Variants in RAB33A observed in about 807,000 individuals in gnomAD.
RAB33A encodes the protein ras-related protein Rab-33A.
A neutral mutation model predicts 12.0 loss-of-function variants in RAB33A; 6 were observed. The observed-to-expected ratio is 0.50, with a 90% confidence interval of 0.27 to 0.99. RAB33A has a LOEUF of 0.99. Ranked by LOEUF, RAB33A falls within the 50% of genes least tolerant of loss-of-function variation. RAB33A has a pLI of 0.11. For synonymous variants in RAB33A, 70 were observed against 82.4 expected (o/e 0.85, Z 0.81); for missense variants, 109 against 192.0 (o/e 0.57, Z 2.55).
the RAB33A span, among the ~76,000 whole-genome samples, chrX:130,151,147 CTT>C: frequency 9.9e-6 from 1 of 101,465 alleles, no homozygotes. Context: ...ATATTCTTTT[CTT>C]TTTTTTTTTG....
chrX:130,176,910 T>A (rs1432359390), intron 1 of RAB33A, among the ~76,000 whole-genome samples: 1 of 112,308 alleles, frequency 8.9e-6, no homozygotes, highest in African/African-American at 3.2e-5. Context: ...CCCATCGGCC[T>A]CCAACAAAAG....
In RAB33A at chrX:130,184,779, G is replaced by T. The variant is rs775397466; in HGVS notation, c.*39G>T. On this transcript the variant is annotated 3_prime_UTR_variant, in exon 2 of 2. Coordinates refer to ENST00000257017, the MANE Select transcript of RAB33A (RefSeq NM_004794.3). ...AAATACAAGATAAATTATCACTGGA[G>T]TTTTTTCTTTCCCTTTTTTCTGTGC... 8 of 1,137,801 alleles carry T rather than the reference G, an allele frequency of 7.0e-6. No homozygotes were observed. In the African/African-American group the frequency reaches 1.4e-4, roughly 21 times the overall value. 93.8% of individuals were successfully genotyped at this position (1,137,801 alleles called of 1,213,427 possible). A position where few individuals can be genotyped will look rare whatever the true frequency, so the allele number is the denominator to read the frequency against.
chrX:130,114,139 G>T, the RAB33A span, among the ~76,000 whole-genome samples: 2 of 112,219 alleles, frequency 1.8e-5, no homozygotes, highest in Admixed American at 1.9e-4. Flanking sequence ...AAGGCAGCAT[G>T]CAAGGAGAGG....
chrX:130,111,475 G>T, the RAB33A span, among the ~76,000 whole-genome samples: 8 of 112,940 alleles, frequency 7.1e-5, no homozygotes, highest in African/African-American at 2.2e-4. Context: ...GGGTGAGGCC[G>T]CGAGATGCCC....
the RAB33A span, among the ~76,000 whole-genome samples, chrX:130,154,741 C>T: frequency 8.9e-6 from 1 of 112,446 alleles, no homozygotes; most frequent in Non-Finnish European, 1.9e-5. Context: ...CCACAAAACA[C>T]AAACATTACA....
chrX:130,114,904 C>T, the RAB33A span, among the ~76,000 whole-genome samples: 20 of 111,848 alleles, frequency 1.8e-4, no homozygotes, highest in East Asian at 5.6e-3. Context: ...TGGGCTCAAG[C>T]GATCCTCCCT....
the RAB33A span, among the ~76,000 whole-genome samples, chrX:130,128,410 T>C: frequency 9.0e-6 from 1 of 110,878 alleles, no homozygotes; most frequent in African/African-American, 3.3e-5. Flanking sequence ...CCATCTCTAC[T>C]AAAAATACAA....
chrX:130,184,142 G>A (rs1190486321), intron 1 of RAB33A, 143 bp from the exon 2 acceptor site: 3 of 528,917 alleles, frequency 5.7e-6, no homozygotes, highest in Non-Finnish European at 9.1e-6. Context: ...GCCCGCCTCA[G>A]CTTCCCAAAG....
chrX:130,116,978 C>T, the RAB33A span, among the ~76,000 whole-genome samples: 1 of 112,044 alleles, frequency 8.9e-6, no homozygotes, highest in Admixed American at 9.4e-5. Context: ...CTTTGGGAGG[C>T]CAAGGTGGGC....
rs761574941 is a variant in RAB33A, at chrX:130,171,996, G to T, written c.-67G>T. 75 of 1,098,347 alleles carry T rather than the reference G, an allele frequency of 6.8e-5. No homozygotes were observed. In the African/African-American group the frequency reaches 1.3e-3, roughly 19 times the overall value. The allele number at this position is 1,098,347 out of a possible 1,213,427, so 90.5% of individuals were successfully genotyped here. ...CAGAGCTCGCTCGCCTCGAGCGCAC[G>T]AACGTGGACGTTCTCTTTGTGTGGA... On this transcript the variant is annotated 5_prime_UTR_variant, in exon 1 of 2. Coordinates refer to ENST00000257017, the MANE Select transcript of RAB33A (RefSeq NM_004794.3).
chrX:130,131,664 G>A, the RAB33A span: 2 of 1,210,307 alleles, frequency 1.7e-6, no homozygotes, highest in African/African-American at 1.7e-5. Context: ...GGAGTGCTAG[G>A]ACTTTCTTAC....
the RAB33A span, among the ~76,000 whole-genome samples, chrX:130,166,850 G>T: frequency 8.9e-6 from 1 of 111,921 alleles, no homozygotes; most frequent in African/African-American, 3.2e-5. Context: ...TCAACTTACG[G>T]TTTTTTGACT....
the RAB33A span, chrX:130,135,904 A>G: frequency 1.2e-6 from 1 of 830,936 alleles, no homozygotes; most frequent in Non-Finnish European, 1.8e-6. Context: ...CAGTTCACAC[A>G]TTTCTATTCT....
the RAB33A span, among the ~76,000 whole-genome samples, chrX:130,119,425 C>T: frequency 2.7e-5 from 3 of 112,180 alleles, no homozygotes; most frequent in Non-Finnish European, 5.6e-5. Flanking sequence ...AAGAGCTCAC[C>T]GCTCAGGTCC....
the RAB33A span, among the ~76,000 whole-genome samples, chrX:130,146,394 T>C: frequency 9.1e-6 from 1 of 110,015 alleles, no homozygotes; most frequent in East Asian, 2.8e-4. Flanking sequence ...CAGTGAGCTA[T>C]GATTCGGCCA....
At chrX:130,147,380 A>G in the RAB33A span, 1 of 945,805 alleles carries the variant, frequency 1.1e-6, no homozygotes, top group East Asian at 3.1e-5. Context: ...AGTAGACTCT[A>G]GTGGACAGCC....
chrX:130,123,184 G>A, the RAB33A span, among the ~76,000 whole-genome samples: 5 of 111,837 alleles, frequency 4.5e-5, no homozygotes, highest in South Asian at 1.8e-3. Flanking sequence ...AGGAGGTCAG[G>A]GCTGAAGGTG....
the RAB33A span, among the ~76,000 whole-genome samples, chrX:130,133,795 A>ATT: frequency 3.0e-5 from 3 of 99,862 alleles, no homozygotes; most frequent in Non-Finnish European, 6.2e-5. Flanking sequence ...GCCTGGCTAA[A>ATT]TTTTTTTTTT....
the RAB33A span, among the ~76,000 whole-genome samples, chrX:130,111,062 C>G: frequency 1.9e-5 from 2 of 104,193 alleles, no homozygotes; most frequent in Non-Finnish European, 4.0e-5. Context: ...AGCGCCCGTC[C>G]GCCCCGGCCC....
Sources: allele counts gnomAD v4.1 joint callset (sites outside exome capture counted in the v4.1 genomes callset), GRCh38; gene constraint gnomAD v4.1.1; transcripts MANE v1.5; gene names NCBI Gene and HGNC (gene_info 2026-07-23, HGNC 2026-07-21).